Variants in JMJD1C observed in about 807,000 individuals in gnomAD.
JMJD1C encodes the protein jumonji domain-containing protein 1C.
In JMJD1C, 31 loss-of-function variants were observed where a neutral mutation model predicts 245.3. The ratio of observed to expected loss-of-function variants is 0.13; its 90% CI spans 0.09 to 0.17. The LOEUF (loss-of-function observed/expected upper bound fraction) is 0.17. Ranked by LOEUF, JMJD1C falls within the 10% of genes least tolerant of loss-of-function variation. The pLI is 1.00. For synonymous variants in JMJD1C, 1,057 were observed against 1,017.4 expected, an observed-to-expected ratio of 1.04 and a Z score of -0.74; for missense variants, 2,691 against 3,000.2, an observed-to-expected ratio of 0.90 and a Z score of 2.41.
At chr10:63,193,824 G>A (rs902542088) in intron 14 of JMJD1C, among the ~76,000 whole-genome samples, 2 of 151,932 alleles carry the variant, frequency 1.3e-5, no homozygotes, top group African/African-American at 4.8e-5. Flanking sequence ...CTGCCACCAC[G>A]CCCGGCTAAT....
intron 1 of JMJD1C, 83 bp from the exon 2 acceptor site, chr10:63,380,565 T>G (rs1267077926): frequency 9.7e-7 from 1 of 1,029,606 alleles, no homozygotes; most frequent in African/African-American, 1.6e-5. Flanking sequence ...TAATTGTACA[T>G]ATTTATGGGG....
chr10:63,463,543 T>C (rs1295046249), intron 1 of JMJD1C, among the ~76,000 whole-genome samples: 4 of 152,214 alleles, frequency 2.6e-5, no homozygotes, highest in Non-Finnish European at 5.9e-5. Context: ...AATGCTAAAC[T>C]GTTCCAAGTT....
At chr10:63,188,372 T>TGA (rs1844377307) in intron 18 of JMJD1C, among the ~76,000 whole-genome samples, 1 of 152,182 alleles carries the variant, frequency 6.6e-6, no homozygotes, top group Admixed American at 6.5e-5. Context: ...TCAGCTTTCA[T>TGA]CAGATTTTGA....
chr10:63,321,951 C>T (rs1008121462), intron 2 of JMJD1C, among the ~76,000 whole-genome samples: 2 of 152,172 alleles, frequency 1.3e-5, no homozygotes, highest in Non-Finnish European at 2.9e-5. Context: ...TTTAGTTTTC[C>T]CTTCTAACTG....
intron 2 of JMJD1C, among the ~76,000 whole-genome samples, chr10:63,302,058 C>T (rs1219728534): frequency 6.6e-6 from 1 of 152,082 alleles, no homozygotes; most frequent in African/African-American, 2.4e-5. Context: ...GCTCTGTTGC[C>T]CAGGCTGGAG....
chr10:63,504,902 T>C (rs1954670866), intron 1 of JMJD1C, among the ~76,000 whole-genome samples: 1 of 152,074 alleles, frequency 6.6e-6, no homozygotes, highest in Non-Finnish European at 1.5e-5. Flanking sequence ...AAGCCTGCAG[T>C]CCCAGCTACT....
chr10:63,434,290 A>T (rs1810071909), intron 1 of JMJD1C, among the ~76,000 whole-genome samples: 1 of 152,224 alleles, frequency 6.6e-6, no homozygotes, highest in South Asian at 2.1e-4. Context: ...AAAACAGATG[A>T]AACAATTAAG....
At chr10:63,234,926 T>C (rs1850545720) in intron 3 of JMJD1C, among the ~76,000 whole-genome samples, 1 of 152,178 alleles carries the variant, frequency 6.6e-6, no homozygotes, top group African/African-American at 2.4e-5. Context: ...AACTAAGTCA[T>C]AAAATTCAAA....
intron 3 of JMJD1C, among the ~76,000 whole-genome samples, chr10:63,254,017 A>AT (rs1853487735): frequency 6.6e-6 from 1 of 152,202 alleles, no homozygotes; most frequent in Non-Finnish European, 1.5e-5. Flanking sequence ...AGATTATTTA[A>AT]TGACTAAGGA....
rs537955456 is a variant in JMJD1C, at chr10:63,405,589, C to T, written c.169-25107G>A. ...CCACCCACCTCAGTCTCCCAAAGTG[C>T]GGGGATTACAGGCATGAGCCACAGC... On this transcript the variant is annotated intron_variant, in intron 1 of 25. Transcript: ENST00000399262. Among the ~76,000 whole-genome samples, 155 of 152,166 alleles carry T rather than the reference C, an allele frequency of 1.0e-3. 2 individuals carry two copies. In the Middle Eastern group the frequency reaches 0.027, roughly 27 times the overall value.
At chr10:63,204,985 A>T in intron 10 of JMJD1C, 1 of 985,266 alleles carries the variant, frequency 1.0e-6, no homozygotes, top group East Asian at 1.1e-4. Context: ...ATGTGGATGA[A>T]CACACGGACA....
chr10:63,494,214 G>A (rs1200037044), intron 1 of JMJD1C, among the ~76,000 whole-genome samples: 1 of 152,146 alleles, frequency 6.6e-6, no homozygotes, highest in Non-Finnish European at 1.5e-5. Flanking sequence ...GGGAAGCTGA[G>A]GCAGGAGAAT....
intron 3 of JMJD1C, among the ~76,000 whole-genome samples, chr10:63,251,219 G>A (rs1853022633): frequency 6.6e-6 from 1 of 152,090 alleles, no homozygotes; most frequent in Non-Finnish European, 1.5e-5. Context: ...TTCCATAAAT[G>A]GCAAATGGGA....
chr10:63,225,271 T>C (rs1291583196), intron 3 of JMJD1C, among the ~76,000 whole-genome samples: 1 of 152,178 alleles, frequency 6.6e-6, no homozygotes, highest in African/African-American at 2.4e-5. Flanking sequence ...TTTGAGCTAC[T>C]AGTTATAACC....
At position 63,207,857 on chromosome 10, in the gene JMJD1C, C is replaced by A. The variant is rs1418109106; in HGVS notation, c.3812G>T (p.Ser1271Ile). The change falls in exon 10 of 26, where the codon AGT (serine) becomes ATT (isoleucine). Residue 1271 changes from serine (S) to isoleucine (I), a missense_variant. Coordinates refer to ENST00000399262, the MANE Select transcript of JMJD1C (RefSeq NM_032776.3). ...ATTAGGTCTCCACATCTCCGTCAAA[C>A]TCTGTTCTGAAGAACTCTTAAAATT... ...QANFKSSSEQSLTEMWRPNNN... is the reference protein window; with the variant it reads ...QANFKSSSEQILTEMWRPNNN... The A allele has an allele frequency of 6.2e-7, 1 of 1,614,150 alleles. No individual in the cohort carries two copies. Among genetic ancestry groups the A allele is most frequent in the East Asian group, 2.2e-5 (1 of 44,890 alleles).
chr10:63,313,399 G>C (rs1421675409), intron 2 of JMJD1C, among the ~76,000 whole-genome samples: 2 of 152,040 alleles, frequency 1.3e-5, no homozygotes, highest in Admixed American at 6.5e-5. Flanking sequence ...GTGCTGCTTT[G>C]AACATGACTG....
intron 2 of JMJD1C, among the ~76,000 whole-genome samples, chr10:63,329,796 C>T (rs921761475): frequency 6.6e-6 from 1 of 152,220 alleles, no homozygotes; most frequent in East Asian, 1.9e-4. Context: ...CACAGCTCCC[C>T]GTCAGCCACA....
intron 1 of JMJD1C, among the ~76,000 whole-genome samples, chr10:63,493,249 C>CTTTTT (rs752941477): frequency 0.016 from 804 of 49,186 alleles, 116 homozygotes; most frequent in East Asian, 0.051. Context: ...ACTGTTATTT[C>CTTTTT]TTTTTTTTTT....
chr10:63,346,948 C>A (rs1943867847), intron 2 of JMJD1C, among the ~76,000 whole-genome samples: 1 of 152,026 alleles, frequency 6.6e-6, no homozygotes, highest in Admixed American at 6.6e-5. Context: ...GGACTTAGGT[C>A]CCCCTACACC....
Sources: gnomAD v4.1 joint callset for allele counts (sites outside exome capture counted in the v4.1 genomes callset) on GRCh38, gnomAD v4.1.1 for gene constraint, MANE v1.5 for transcripts, NCBI Gene and HGNC (gene_info 2026-07-23, HGNC 2026-07-21) for gene names.